The following WWOX variants were observed in gnomAD, a reference collection of about 807,000 sequenced individuals.
WWOX encodes WW domain-containing oxidoreductase.
Under a neutral mutation model 46.2 loss-of-function variants are expected in WWOX, and 69 were observed. That is an observed-to-expected ratio of 1.49 (90% CI 1.23 to 1.82). WWOX has a LOEUF of 1.82. Among genes scored for constraint, WWOX ranks in the 40% most tolerant of loss-of-function variants. The pLI is 0.00. For missense variants in WWOX, 919 were observed against 542.6 expected, an observed-to-expected ratio of 1.69 and a Z score of -6.89; for synonymous variants, 359 against 202.6, an observed-to-expected ratio of 1.77 and a Z score of -6.56.
At chr16:78,722,747 G>T (rs2048725567) in intron 8 of WWOX, among the ~76,000 whole-genome samples, 1 of 135,432 alleles carries the variant, frequency 7.4e-6, no homozygotes. Flanking sequence ...AGGAATAGAA[G>T]ATCCTGTGAA....
intron 8 of WWOX, among the ~76,000 whole-genome samples, chr16:78,919,547 C>T (rs1046184578): frequency 5.2e-5 from 6 of 116,176 alleles, no homozygotes; most frequent in South Asian, 2.7e-4. Flanking sequence ...TTGAGGGAGT[C>T]TTGCTCTGTC....
At chr16:78,717,907 A>T (rs2048603300) in intron 8 of WWOX, among the ~76,000 whole-genome samples, 1 of 152,306 alleles carries the variant, frequency 6.6e-6, no homozygotes, top group South Asian at 2.1e-4. Flanking sequence ...TATTCACGAC[A>T]TAGTGGACCC....
At chr16:78,940,053 A>G (rs942039781) in intron 8 of WWOX, among the ~76,000 whole-genome samples, 1 of 152,226 alleles carries the variant, frequency 6.6e-6, no homozygotes, top group Non-Finnish European at 1.5e-5. Context: ...AATAAACGTT[A>G]CTTTCATCCC....
intron 8 of WWOX, among the ~76,000 whole-genome samples, chr16:79,148,037 T>A (rs927772746): frequency 6.6e-6 from 1 of 152,230 alleles, no homozygotes; most frequent in East Asian, 1.9e-4. Context: ...CTTTTCATCA[T>A]CTTTACATGG....
At chr16:78,447,910 C>T (rs1053357497) in intron 8 of WWOX, among the ~76,000 whole-genome samples, 2 of 152,084 alleles carry the variant, frequency 1.3e-5, no homozygotes, top group African/African-American at 4.8e-5. Flanking sequence ...TTTAATCGAT[C>T]CTCCTGCCTC....
chr16:78,783,741 ATGG>A (rs1454029602), intron 8 of WWOX, among the ~76,000 whole-genome samples: 1 of 151,750 alleles, frequency 6.6e-6, no homozygotes, highest in Non-Finnish European at 1.5e-5. Flanking sequence ...GTTGATGATG[ATGG>A]TGATGGTGAT....
intron 8 of WWOX, among the ~76,000 whole-genome samples, chr16:78,918,902 C>G (rs976105748): frequency 6.6e-6 from 1 of 152,096 alleles, no homozygotes; most frequent in Non-Finnish European, 1.5e-5. Context: ...CTACCTATTC[C>G]AAGAACACAG....
chr16:78,862,323 T>C (rs1363667174), intron 8 of WWOX, among the ~76,000 whole-genome samples: 1 of 150,718 alleles, frequency 6.6e-6, no homozygotes, highest in East Asian at 1.9e-4. Flanking sequence ...TGTGTCTTTC[T>C]ATATCTATAC....
intron 8 of WWOX, among the ~76,000 whole-genome samples, chr16:79,105,313 G>C (rs2049286277): frequency 1.3e-5 from 2 of 152,120 alleles, no homozygotes; most frequent in South Asian, 4.1e-4. Context: ...AGAAAATACA[G>C]ATAAGCGAAA....
chr16:78,186,215 G>T (rs1363337705), intron 5 of WWOX, among the ~76,000 whole-genome samples: 5 of 151,020 alleles, frequency 3.3e-5, no homozygotes, highest in Non-Finnish European at 5.9e-5. Context: ...TATCATTGAA[G>T]TTCATTTAAT....
chr16:79,147,977 C>T (rs1345784407), intron 8 of WWOX, among the ~76,000 whole-genome samples: 2 of 151,622 alleles, frequency 1.3e-5, no homozygotes, highest in Non-Finnish European at 2.9e-5. Context: ...GTTATTGGTT[C>T]TTTGTTGGAT....
intron 8 of WWOX, among the ~76,000 whole-genome samples, chr16:78,586,329 T>C (rs2045207009): frequency 6.6e-6 from 1 of 152,194 alleles, no homozygotes; most frequent in Non-Finnish European, 1.5e-5. Flanking sequence ...CAGGACGCCA[T>C]GAAATAATTA....
At position 78,374,527 on chromosome 16, in the gene WWOX, A is replaced by ATTTTTTTTTTTTTTTTTTTTTTTTTTT. The variant is rs541225697; in HGVS notation, c.517-12320_517-12294dup. On this transcript the variant is annotated intron_variant, in intron 5 of 8. Coordinates refer to ENST00000566780, the MANE Select transcript of WWOX (RefSeq NM_016373.4). ...GAGTCCTCAACTTTTTCTGTCTTGA[A>ATTTTTTTTTTTTTTTTTTTTTTTTTTT]TTTTTTTTTTTTTTTTTTTTTTTTT... 1.8e-4 allele frequency among the ~76,000 whole-genome samples: 13 copies of ATTTTTTTTTTTTTTTTTTTTTTTTTTT among 70,906 alleles called. 1 individual carries two copies. The highest frequency in any genetic ancestry group is 2.8e-4 in the Non-Finnish European group (11 of 38,882). 46.5% of individuals were successfully genotyped at this position (70,906 alleles called of 152,430 possible). A position where few individuals can be genotyped will look rare whatever the true frequency, so the allele number is the denominator to read the frequency against.
intron 8 of WWOX, among the ~76,000 whole-genome samples, chr16:78,575,569 A>G (rs1344243635): frequency 6.6e-6 from 1 of 152,032 alleles, no homozygotes; most frequent in Admixed American, 6.6e-5. Context: ...GGGGCATTGG[A>G]TCTCCCACAT....
At chr16:78,491,775 G>A (rs1441127560) in intron 8 of WWOX, among the ~76,000 whole-genome samples, 1 of 152,164 alleles carries the variant, frequency 6.6e-6, no homozygotes, top group South Asian at 2.1e-4. Flanking sequence ...TGAAACCCCA[G>A]GAGAAAATAG....
At position 79,017,429 on chromosome 16, in the gene WWOX, C is replaced by CAAAAAAAAAAAAAAAAAAAAAAAAAA. The variant is rs61362715; in HGVS notation, c.1057-194171_1057-194146dup. 1.5e-4 allele frequency: 6 copies of CAAAAAAAAAAAAAAAAAAAAAAAAAA among 39,124 alleles called. 1 individual carries two copies. Among genetic ancestry groups the CAAAAAAAAAAAAAAAAAAAAAAAAAA allele is most frequent in the South Asian group, 3.2e-3 (2 of 628 alleles). The allele number at this position is 39,124 out of a possible 1,614,324, so 2.4% of individuals were successfully genotyped here. On this transcript the variant is annotated intron_variant, in intron 8 of 8. Transcript: ENST00000566780. ...TGGGCAACAGAGCGAGAATCCATCTCAAAAAAAAAAAAAAAAAAAAAAAAA... is the reference window on the plus strand; with the variant it reads ...TGGGCAACAGAGCGAGAATCCATCTCAAAAAAAAAAAAAAAAAAAAAAAAAAAAAAAAAAAAAAAAAAAAAAAAAAA...
intron 8 of WWOX, among the ~76,000 whole-genome samples, chr16:78,975,703 A>T (rs1331920650): frequency 1.3e-5 from 2 of 152,282 alleles, no homozygotes; most frequent in East Asian, 3.9e-4. Context: ...TACACCGCTC[A>T]GAGAAGGGTT....
chr16:78,622,839 C>T (rs1315679981), intron 8 of WWOX, among the ~76,000 whole-genome samples: 2 of 152,134 alleles, frequency 1.3e-5, no homozygotes, highest in Non-Finnish European at 2.9e-5. Context: ...GGGGATCCTC[C>T]TGGGTGGGCC....
chr16:78,303,271 T>G (rs1238364429), intron 5 of WWOX, among the ~76,000 whole-genome samples: 1 of 152,182 alleles, frequency 6.6e-6, no homozygotes, highest in African/African-American at 2.4e-5. Flanking sequence ...TATAAATAAA[T>G]AAGACATCCA....
Sources: gnomAD v4.1 joint callset for allele counts (sites outside exome capture counted in the v4.1 genomes callset) on GRCh38, gnomAD v4.1.1 for gene constraint, MANE v1.5 for transcripts, NCBI Gene and HGNC (gene_info 2026-07-23, HGNC 2026-07-21) for gene names.